The following PLVAP variants were observed in gnomAD, a reference collection of about 807,000 sequenced individuals.
PLVAP encodes the protein plasmalemma vesicle associated protein.
A neutral mutation model predicts 43.1 loss-of-function variants in PLVAP; 34 were observed. The ratio of observed to expected loss-of-function variants is 0.79; its 90% CI spans 0.60 to 1.05. PLVAP has a LOEUF of 1.05. Ranked by LOEUF, PLVAP falls within the 50% of genes least tolerant of loss-of-function variation. PLVAP has a pLI of 0.00. For missense variants in PLVAP, 574 were observed against 593.4 expected, an observed-to-expected ratio of 0.97 and a Z score of 0.34; for synonymous variants, 241 against 237.3, an observed-to-expected ratio of 1.02 and a Z score of -0.14.
At chr19:17,353,141 C>T (rs536111957) in intron 5 of PLVAP, among the ~76,000 whole-genome samples, 4 of 152,298 alleles carry the variant, frequency 2.6e-5, no homozygotes, top group East Asian at 1.9e-4. Flanking sequence ...GTCCCGCTTC[C>T]GCTGGTCCTC....
At position 17,351,800 on chromosome 19, in the gene PLVAP, T is replaced by C. The variant is rs573669217; in HGVS notation, c.*562A>G. On this transcript the variant is annotated 3_prime_UTR_variant, in exon 6 of 6. Coordinates refer to ENST00000252590, the MANE Select transcript of PLVAP (RefSeq NM_031310.3). ...GGGGGAACGTGACACTAGGTGAGAA[T>C]TGGGTAGAAAGTGTGTGTGAAAGGG... 2 of 153,386 alleles carry C rather than the reference T, an allele frequency of 1.3e-5. No individual in the cohort carries two copies. The highest frequency in any genetic ancestry group is 4.8e-5 in the African/African-American group (2 of 41,504). The allele number at this position is 153,386 out of a possible 1,614,324, so 9.5% of individuals were successfully genotyped here.
chr19:17,357,068 C>T (rs1030419667), intron 5 of PLVAP, among the ~76,000 whole-genome samples: 17 of 151,708 alleles, frequency 1.1e-4, no homozygotes, highest in African/African-American at 3.6e-4. Context: ...TCACTTGAGG[C>T]CAGGAGTTTG....
intron 1 of PLVAP, 83 bp downstream of exon 1, chr19:17,376,837 T>A: frequency 7.4e-7 from 1 of 1,342,998 alleles, no homozygotes; most frequent in East Asian, 2.4e-5. Context: ...CGTCCCCCTC[T>A]CTTGGATGAG....
chr19:17,365,393 G>T lies in PLVAP; in HGVS notation c.1072C>A (p.Arg358=). The T allele has an allele frequency of 6.2e-7, 1 of 1,613,086 alleles. No homozygotes were observed. Among genetic ancestry groups the T allele is most frequent in the Non-Finnish European group, 8.5e-7 (1 of 1,179,970 alleles). ...LEEKAVLRKE[R]DNLAKELEEK... ...TCCAGCTCCTTGGCCAGGTTGTCTC[G>T]TTCCTTCCGCAGCACCGCCTTCTCC... The change falls in exon 3 of 6, where the codon CGA becomes AGA. Residue 358 remains arginine (R), a synonymous_variant. Transcript: ENST00000252590.
chr19:17,354,927 A>G (rs568161920), intron 5 of PLVAP, among the ~76,000 whole-genome samples: 1 of 151,690 alleles, frequency 6.6e-6, no homozygotes, highest in African/African-American at 2.4e-5. Flanking sequence ...AATTAAAAAT[A>G]AAAATAAAAT....
chr19:17,374,188 C>T (rs1013167457), intron 1 of PLVAP, among the ~76,000 whole-genome samples: 1 of 151,858 alleles, frequency 6.6e-6, no homozygotes, highest in African/African-American at 2.4e-5. Context: ...ACAAAACAGC[C>T]GGGAACGGTG....
intron 5 of PLVAP, among the ~76,000 whole-genome samples, chr19:17,358,008 T>A (rs2074513143): frequency 6.6e-6 from 1 of 152,158 alleles, no homozygotes; most frequent in Non-Finnish European, 1.5e-5. Context: ...CTCACTTCCC[T>A]GGGGCCTCAG....
intron 1 of PLVAP, among the ~76,000 whole-genome samples, chr19:17,374,431 C>T (rs2074586589): frequency 6.6e-6 from 1 of 151,802 alleles, no homozygotes; most frequent in Non-Finnish European, 1.5e-5. Context: ...CGCCACTGCA[C>T]TCCAGCCTGG....
chr19:17,364,108 T>G (rs1599574874), intron 3 of PLVAP, among the ~76,000 whole-genome samples: 1 of 142,262 alleles, frequency 7.0e-6, no homozygotes, highest in Non-Finnish European at 1.5e-5. Context: ...TTGTTTGAGA[T>G]GGAGTCTCGC....
chr19:17,364,053 T>C (rs1844538524), intron 3 of PLVAP, among the ~76,000 whole-genome samples: 1 of 151,318 alleles, frequency 6.6e-6, no homozygotes, highest in Admixed American at 6.6e-5. Context: ...GCCTAATTTT[T>C]GTATTTTTTT....
intron 5 of PLVAP, 124 bp from the exon 6 acceptor site, chr19:17,352,492 C>T (rs2074490433): frequency 3.7e-6 from 4 of 1,069,736 alleles, no homozygotes; most frequent in Non-Finnish European, 5.6e-6. Context: ...GCCCTGCCTC[C>T]TACCACCCTG....
intron 1 of PLVAP, 60 bp from the exon 2 acceptor site, chr19:17,366,255 C>A: frequency 6.4e-7 from 1 of 1,555,850 alleles, no homozygotes; most frequent in Non-Finnish European, 8.9e-7. Flanking sequence ...CCCAGGACTG[C>A]CTGGACCCAG....
At chr19:17,361,824 C>T (rs1223905751) in intron 3 of PLVAP, among the ~76,000 whole-genome samples, 1 of 152,028 alleles carries the variant, frequency 6.6e-6, no homozygotes, top group African/African-American at 2.4e-5. Context: ...AATCCCAACA[C>T]TTTGGGAAGC....
At chr19:17,362,777 A>G (rs2074533455) in intron 3 of PLVAP, 1 of 152,172 alleles carries the variant, frequency 6.6e-6, no homozygotes, top group Non-Finnish European at 1.5e-5. Flanking sequence ...CCAGTTCTAA[A>G]ATCAGTGAAA....
chr19:17,360,499 G>T, intron 5 of PLVAP, 29 bp downstream of exon 5: 1 of 1,603,628 alleles, frequency 6.2e-7, no homozygotes, highest in South Asian at 1.1e-5. Flanking sequence ...TTCTAAGACT[G>T]AACAACTGCA....
intron 1 of PLVAP, among the ~76,000 whole-genome samples, chr19:17,372,229 G>A (rs548875329): frequency 6.6e-6 from 1 of 151,438 alleles, no homozygotes; most frequent in East Asian, 2.0e-4. Context: ...CCAACATGGG[G>A]AAACCCCATC....
chr19:17,365,338 C>T lies in PLVAP; in HGVS notation c.1127G>A (p.Arg376Lys), dbSNP rs2074543924. The T allele has an allele frequency of 1.2e-6, 2 of 1,613,260 alleles. No individual in the cohort carries two copies. The highest frequency in any genetic ancestry group is 1.3e-5 in the African/African-American group (1 of 74,942). ...EEKKREAEQL[R>K]MELAIRNSAL... The stretch of plus-strand genomic sequence containing the variant: ...TGAGTTTCTGATGGCCAGCTCCATC[C>T]TGAGCTGCTCCGCCTCCCTCTTCTT... The change falls in exon 3 of 6, where the codon AGG becomes AAG. Residue 376 changes from arginine (R) to lysine (K), a missense_variant. Transcript: ENST00000252590.
chr19:17,376,909 C>T lies in PLVAP; in HGVS notation c.369+11G>A. ...GGGTCCCCAGGGCGAGTGTCCTGCC[C>T]ACAGCCTTACCCGGTCACCCTGGCA... On this transcript the variant is annotated intron_variant, in intron 1 of 5. Coordinates refer to ENST00000252590, the MANE Select transcript of PLVAP (RefSeq NM_031310.3). 1 of 1,607,858 alleles carries T rather than the reference C, an allele frequency of 6.2e-7. No homozygotes were observed. Among genetic ancestry groups the T allele is most frequent in the Non-Finnish European group, 8.5e-7 (1 of 1,177,156 alleles).
At chr19:17,368,624 G>A (rs1418881347) in intron 1 of PLVAP, among the ~76,000 whole-genome samples, 2 of 152,094 alleles carry the variant, frequency 1.3e-5, no homozygotes, top group Admixed American at 6.6e-5. Context: ...CAGAGACACG[G>A]ACAGAAGGAA....
Sources: allele counts gnomAD v4.1 joint callset (sites outside exome capture counted in the v4.1 genomes callset), GRCh38; gene constraint gnomAD v4.1.1; transcripts MANE v1.5; gene names NCBI Gene and HGNC (gene_info 2026-07-23, HGNC 2026-07-21).